Variants in LGSN observed in about 807,000 individuals in gnomAD.
LGSN encodes lengsin, lens protein with glutamine synthetase domain.
LGSN carries 21 observed loss-of-function variants against 19.5 expected under a neutral mutation model. The observed-to-expected ratio is 1.07, with a 90% CI of 0.76 to 1.55. The LOEUF is 1.55. LGSN is among the 40% of genes most tolerant of loss of function. The pLI, the probability that LGSN is intolerant of heterozygous loss-of-function variation, is 0.00. For missense variants in LGSN, 673 were observed against 608.5 expected (o/e 1.11, Z -1.12); for synonymous variants, 257 against 215.6 (o/e 1.19, Z -1.68).
At chr6:63,505,621 G>T in the LGSN span, among the ~76,000 whole-genome samples, 21,574 of 97,858 alleles carry the variant, frequency 0.22, 4,925 homozygotes, top group Admixed American at 0.31. Context: ...AAGAAAGAAA[G>T]AAAGAAAGAA....
chr6:63,498,327 G>T, the LGSN span, among the ~76,000 whole-genome samples: 2 of 151,854 alleles, frequency 1.3e-5, no homozygotes, highest in Non-Finnish European at 2.9e-5. Flanking sequence ...TGATTTTCTG[G>T]CTCCTTCTTG....
the LGSN span, among the ~76,000 whole-genome samples, chr6:63,499,689 T>C: frequency 6.6e-6 from 1 of 152,086 alleles, no homozygotes; most frequent in Admixed American, 6.5e-5. Flanking sequence ...ATGGAACACC[T>C]GATAATGTGT....
At chr6:63,428,896 T>G in the LGSN span, among the ~76,000 whole-genome samples, 85 of 152,296 alleles carry the variant, frequency 5.6e-4, no homozygotes, top group African/African-American at 2.0e-3. Flanking sequence ...TTAAGAAAAT[T>G]ATAGCAGCTG....
chr6:63,492,846 C>T, the LGSN span, among the ~76,000 whole-genome samples: 1,052 of 152,294 alleles, frequency 6.9e-3, 8 homozygotes, highest in African/African-American at 0.024. Flanking sequence ...AGGCTGAGTA[C>T]TTTTGAGAAA....
At chr6:63,441,235 C>T in the LGSN span, 7 of 330,496 alleles carry the variant, frequency 2.1e-5, no homozygotes, top group South Asian at 1.4e-4. Context: ...ACTATTCTCC[C>T]GTCGGATTTC....
chr6:63,358,440 A>G, the LGSN span, among the ~76,000 whole-genome samples: 8 of 145,888 alleles, frequency 5.5e-5, no homozygotes, highest in South Asian at 1.8e-3. Flanking sequence ...CCATTTTCAC[A>G]ATATTGATTC....
chr6:63,426,333 A>G, the LGSN span, among the ~76,000 whole-genome samples: 1 of 152,160 alleles, frequency 6.6e-6, no homozygotes, highest in Non-Finnish European at 1.5e-5. Flanking sequence ...AACTCCATAA[A>G]CGCAATTATA....
chr6:63,569,604 A>G, the LGSN span, among the ~76,000 whole-genome samples: 1 of 152,124 alleles, frequency 6.6e-6, no homozygotes, highest in African/African-American at 2.4e-5. Flanking sequence ...TTATTTCCCA[A>G]CTGCTGGCTT....
chr6:63,567,211 C>T, the LGSN span, among the ~76,000 whole-genome samples: 2 of 152,200 alleles, frequency 1.3e-5, no homozygotes, highest in Admixed American at 1.3e-4. Context: ...TTCTTAATGG[C>T]ATCTAGAATC....
the LGSN span, among the ~76,000 whole-genome samples, chr6:63,554,290 G>A: frequency 6.6e-6 from 1 of 152,150 alleles, no homozygotes; most frequent in African/African-American, 2.4e-5. Flanking sequence ...CAAAGTATAT[G>A]AAAAGCATTC....
the LGSN span, among the ~76,000 whole-genome samples, chr6:63,465,466 G>C: frequency 2.6e-5 from 4 of 152,128 alleles, no homozygotes; most frequent in African/African-American, 7.2e-5. Context: ...ACAGGCATGA[G>C]CCACCATGCT....
the LGSN span, among the ~76,000 whole-genome samples, chr6:63,540,108 T>C: frequency 6.6e-6 from 1 of 152,186 alleles, no homozygotes; most frequent in Non-Finnish European, 1.5e-5. Context: ...TATCCATCCC[T>C]AAGACATTTT....
chr6:63,542,279 G>T, the LGSN span, among the ~76,000 whole-genome samples: 4 of 152,080 alleles, frequency 2.6e-5, no homozygotes, highest in Middle Eastern at 3.4e-3. Context: ...AGGGGGAAAG[G>T]GTGGGAAGAG....
upstream of LGSN, among the ~76,000 whole-genome samples, chr6:63,322,645 G>A (rs1769111592): frequency 6.6e-6 from 1 of 152,108 alleles, no homozygotes; most frequent in Non-Finnish European, 1.5e-5. Context: ...CTTCCCTAGT[G>A]GTTCTAGAAC....
chr6:63,507,012 C>A, the LGSN span, among the ~76,000 whole-genome samples: 8 of 152,068 alleles, frequency 5.3e-5, no homozygotes, highest in African/African-American at 1.9e-4. Context: ...TATGAGGATG[C>A]CTTACCCCGA....
At chr6:63,456,462 C>T in the LGSN span, among the ~76,000 whole-genome samples, 1 of 146,216 alleles carries the variant, frequency 6.8e-6, no homozygotes, top group Non-Finnish European at 1.5e-5. Flanking sequence ...AACTCCTAGA[C>T]TCAAGCGCCC....
At chr6:63,340,531 G>A in the LGSN span, among the ~76,000 whole-genome samples, 3 of 148,502 alleles carry the variant, frequency 2.0e-5, no homozygotes, top group Non-Finnish European at 3.0e-5. Flanking sequence ...TCTTTTTTCT[G>A]CTTGATCTAG....
the LGSN span, among the ~76,000 whole-genome samples, chr6:63,436,520 G>A: frequency 1.1e-4 from 16 of 152,272 alleles, no homozygotes; most frequent in African/African-American, 3.1e-4. Context: ...CTGTGGCTGT[G>A]GTGACCAGGA....
chr6:63,456,375 A>ACTTTTTTTTTTTTTTTGG, the LGSN span, among the ~76,000 whole-genome samples: 1 of 37,354 alleles, frequency 2.7e-5, no homozygotes, highest in Non-Finnish European at 8.3e-5. Flanking sequence ...ATATATATAT[A>ACTTTTTTTTTTTTTTTGG]TATATATATA....
Sources: gnomAD v4.1 joint callset for allele counts (sites outside exome capture counted in the v4.1 genomes callset) on GRCh38, gnomAD v4.1.1 for gene constraint, MANE v1.5 for transcripts, NCBI Gene and HGNC (gene_info 2026-07-23, HGNC 2026-07-21) for gene names.